ANKRD26: variants seen among roughly 807,000 people sequenced by gnomAD.
ANKRD26 encodes ankyrin repeat domain-containing protein 26.
Under a neutral mutation model 208.7 loss-of-function variants are expected in ANKRD26, and 141 were observed. That is an observed-to-expected ratio of 0.68 (90% CI 0.59 to 0.78). The LOEUF is 0.78. Ranked by LOEUF, ANKRD26 falls within the 30% of genes least tolerant of loss-of-function variation. ANKRD26 has a pLI of 0.00. For missense variants in ANKRD26, 1,889 were observed against 1,938.7 expected (o/e 0.97, Z 0.48); for synonymous variants, 636 against 660.4 (o/e 0.96, Z 0.57).
chr10:27,062,109 T>C lies in ANKRD26; in HGVS notation c.1364-867A>G, dbSNP rs117680495. 3.0e-5 allele frequency: 30 copies of C among 985,350 alleles called. No homozygotes were observed. The East Asian group carries it at 2.5e-3, about 82-fold the overall frequency. The allele number at this position is 985,350 out of a possible 1,614,324, so 61.0% of individuals were successfully genotyped here. ...TCTCTTTCCCCACTCACGATCTCTC[T>C]TCTTTTGCAAAAGTAATCTCCAGAT... is the stretch of plus-strand genomic sequence containing the variant. On this transcript the variant is annotated intron_variant, in intron 12 of 33. Transcript: ENST00000376087.
intron 25 of ANKRD26, among the ~76,000 whole-genome samples, chr10:27,029,643 AG>A (rs2135123552): frequency 6.6e-6 from 1 of 152,360 alleles, no homozygotes; most frequent in South Asian, 2.1e-4. Context: ...ATATTTTATC[AG>A]ATAAATACTC....
rs11346457 is a variant in ANKRD26 at position 27,018,141 on chromosome 10, A to AT, written c.4216-350dup. Among the ~76,000 whole-genome samples the AT allele has an allele frequency of 4.2e-3, 550 of 131,154 alleles. 1 individual carries two copies. Among genetic ancestry groups the AT allele is most frequent in the Non-Finnish European group, 5.2e-3 (325 of 62,752 alleles). The allele number at this position is 131,154 out of a possible 152,430, so 86.0% of individuals were successfully genotyped here. A position where few individuals can be genotyped will look rare whatever the true frequency, so the allele number is the denominator to read the frequency against. On this transcript the variant is annotated intron_variant, in intron 29 of 33. Transcript: ENST00000376087. ...ACTTCCCCCATAAACATGCCCTATA[A>AT]TTTTTTTTTTTTTTTTTTAGTCTTG...
At position 27,017,724 on chromosome 10, in the gene ANKRD26, T is replaced by G. The variant is rs771059446; in HGVS notation, c.4284A>C (p.Gln1428His). The change falls in exon 30 of 34, where the codon CAA becomes CAC. Residue 1428 changes from glutamine to histidine, a missense_variant. Physicochemically the swap from Gln to His is conservative, Grantham distance 24. Coordinates refer to ENST00000376087, the MANE Select transcript of ANKRD26 (RefSeq NM_014915.3). ...SKCLHLDTKN[Q>H]ILQEELLSMK... ...TAGATAACAACTCCTCTTGAAGAAT[T>G]TGGTTCTTTGTATCCAGATGTAGAC... 1 of 1,613,094 alleles carries G rather than the reference T, an allele frequency of 6.2e-7. No individual in the cohort carries two copies. Among genetic ancestry groups the G allele is most frequent in the Admixed American group, 1.7e-5 (1 of 59,900 alleles).
chr10:27,080,922 A>T (rs2055883925), intron 6 of ANKRD26: 3 of 985,426 alleles, frequency 3.0e-6, no homozygotes, highest in Non-Finnish European at 3.6e-6. Flanking sequence ...GAAGGACATC[A>T]GAGAATTGGG....
chr10:27,055,839 CT>C (rs2054819719), intron 15 of ANKRD26, among the ~76,000 whole-genome samples: 1 of 150,480 alleles, frequency 6.6e-6, no homozygotes, highest in African/African-American at 2.5e-5. Flanking sequence ...TTGAATGGTG[CT>C]TTTTTGTTAC....
the ANKRD26 span, among the ~76,000 whole-genome samples, chr10:26,968,574 T>G: frequency 1.3e-5 from 2 of 152,244 alleles, no homozygotes; most frequent in Admixed American, 6.5e-5. Context: ...ACATAAGCCT[T>G]CATATTCTAA....
the ANKRD26 span, among the ~76,000 whole-genome samples, chr10:26,963,344 A>T: frequency 6.6e-6 from 1 of 152,266 alleles, no homozygotes; most frequent in Non-Finnish European, 1.5e-5. Context: ...CTAACCTTGA[A>T]TTTGCCACAC....
chr10:27,044,406 G>T (rs1375847745), intron 18 of ANKRD26, among the ~76,000 whole-genome samples: 2 of 151,480 alleles, frequency 1.3e-5, no homozygotes, highest in Non-Finnish European at 2.9e-5. Context: ...TAAGGGACAA[G>T]AAAAATATAC....
At position 27,027,050 on chromosome 10, in the gene ANKRD26, T is replaced by G. The variant is rs143511580; in HGVS notation, c.3972+1802A>C. On this transcript the variant is annotated intron_variant, in intron 27 of 33. Transcript: ENST00000376087. Reference sequence around the variant, plus strand: ...ATCCACCCGCCTCGGCCTCCCAAAGTGCTGGGCATGAGCCACTGCGCCTGA... The same window carrying G: ...ATCCACCCGCCTCGGCCTCCCAAAGGGCTGGGCATGAGCCACTGCGCCTGA... Among the ~76,000 whole-genome samples the G allele has an allele frequency of 1.7e-3, 258 of 152,296 alleles. 3 individuals are homozygous for G. Among genetic ancestry groups the G allele is most frequent in the African/African-American group, 6.0e-3 (249 of 41,578 alleles).
chr10:26,983,729 C>G (rs1010222720), intron 3 of ANKRD26, among the ~76,000 whole-genome samples: 11 of 152,148 alleles, frequency 7.2e-5, no homozygotes, highest in African/African-American at 2.7e-4. Flanking sequence ...TGGGGGGATA[C>G]TTAGGTAAGT....
intron 4 of ANKRD26, chr10:27,088,281 C>T (rs1210580656): frequency 6.6e-6 from 1 of 152,204 alleles, no homozygotes. Flanking sequence ...CTTTGACTCA[C>T]ACTGTTAGCA....
At chr10:27,002,938 A>G (rs2052757359), downstream of ANKRD26, among the ~76,000 whole-genome samples, 6 of 98,370 alleles carry the variant, frequency 6.1e-5, no homozygotes, top group Admixed American at 5.8e-4. Context: ...AATCTTTCCT[A>G]ATATATGTAG....
intron 5 of ANKRD26, among the ~76,000 whole-genome samples, chr10:27,085,269 T>C (rs2056075339): frequency 6.6e-6 from 1 of 151,854 alleles, no homozygotes; most frequent in Non-Finnish European, 1.5e-5. Context: ...CCCAGCTAAT[T>C]TTTGTATTTT....
exon 6 of ANKRD26, among the ~76,000 whole-genome samples, chr10:26,974,794 A>G (rs2052200692): frequency 6.6e-6 from 1 of 152,236 alleles, no homozygotes; most frequent in South Asian, 2.1e-4. Context: ...TTCTAGGTTG[A>G]GAATTCTTCG....
chr10:27,039,709 A>C (rs985668392), intron 21 of ANKRD26, among the ~76,000 whole-genome samples: 3 of 152,208 alleles, frequency 2.0e-5, no homozygotes, highest in African/African-American at 7.2e-5. Flanking sequence ...CTGTAAACCC[A>C]AAACTTACTG....
chr10:26,955,015 G>C, the ANKRD26 span, among the ~76,000 whole-genome samples: 1 of 150,714 alleles, frequency 6.6e-6, no homozygotes, highest in Middle Eastern at 3.4e-3. Flanking sequence ...GTTTCCTTTA[G>C]CTAATTGTGT....
chr10:27,012,363 G>A (rs1038207810), intron 32 of ANKRD26, among the ~76,000 whole-genome samples: 4 of 151,014 alleles, frequency 2.6e-5, no homozygotes, highest in Admixed American at 2.0e-4. Context: ...GTTAACAAAT[G>A]GTACCTCTTG....
intron 4 of ANKRD26, among the ~76,000 whole-genome samples, chr10:27,088,607 T>G (rs552046689): frequency 6.6e-6 from 1 of 152,118 alleles, no homozygotes; most frequent in African/African-American, 2.4e-5. Flanking sequence ...ATTTTCATTA[T>G]GAAAAACAGA....
chr10:27,090,984 T>A (rs1338807085), intron 4 of ANKRD26, among the ~76,000 whole-genome samples: 3 of 152,130 alleles, frequency 2.0e-5, no homozygotes, highest in South Asian at 4.1e-4. Flanking sequence ...TAGTCCCAGC[T>A]ACTCAGGAGG....
Sources: gnomAD v4.1 joint callset for allele counts (sites outside exome capture counted in the v4.1 genomes callset) on GRCh38, gnomAD v4.1.1 for gene constraint, MANE v1.5 for transcripts, NCBI Gene and HGNC (gene_info 2026-07-23, HGNC 2026-07-21) for gene names.